RIMS1: variants seen among roughly 807,000 people sequenced by gnomAD.
RIMS1 encodes the protein regulating synaptic membrane exocytosis 1.
In RIMS1, 83 loss-of-function variants were observed where a neutral mutation model predicts 214.1. The observed-to-expected ratio is 0.39, with a 90% confidence interval of 0.32 to 0.47. The LOEUF (loss-of-function observed/expected upper bound fraction) is 0.47. Ranked by LOEUF, RIMS1 falls within the 20% of genes least tolerant of loss-of-function variation. The pLI, the probability that RIMS1 is intolerant of heterozygous loss-of-function variation, is 0.99. For missense variants in RIMS1, 2,050 were observed against 2,161.8 expected (o/e 0.95, Z 1.03); for synonymous variants, 793 against 786.8 (o/e 1.01, Z -0.13).
intron 24 of RIMS1, among the ~76,000 whole-genome samples, chr6:72,287,645 G>A (rs1422384711): frequency 6.6e-6 from 1 of 151,192 alleles, no homozygotes; most frequent in African/African-American, 2.4e-5. Flanking sequence ...ACCCAGGCTG[G>A]AGTGTGGTCA....
At chr6:72,199,373 A>C (rs2496522) in intron 6 of RIMS1, among the ~76,000 whole-genome samples, 10 of 151,948 alleles carry the variant, frequency 6.6e-5, no homozygotes, top group African/African-American at 2.4e-4. Context: ...CATCTATAGA[A>C]AAGGAAATTT....
At chr6:72,347,051 T>C (rs902039564) in intron 29 of RIMS1, among the ~76,000 whole-genome samples, 1 of 151,860 alleles carries the variant, frequency 6.6e-6, no homozygotes, top group Non-Finnish European at 1.5e-5. Context: ...CTTCCATGAC[T>C]TTATTTTTTT....
intron 2 of RIMS1, among the ~76,000 whole-genome samples, chr6:71,982,935 A>C (rs1798863737): frequency 6.6e-6 from 1 of 152,108 alleles, no homozygotes; most frequent in Non-Finnish European, 1.5e-5. Context: ...TCTCTGGTCT[A>C]AATGTTTTAC....
chr6:72,215,415 A>G (rs745627253), intron 6 of RIMS1, among the ~76,000 whole-genome samples: 3 of 152,226 alleles, frequency 2.0e-5, no homozygotes, highest in Non-Finnish European at 2.9e-5. Context: ...CCTAACTACT[A>G]TGGTGTAGTG....
chr6:72,132,951 TG>T (rs917174080), intron 4 of RIMS1, among the ~76,000 whole-genome samples: 2 of 152,060 alleles, frequency 1.3e-5, no homozygotes, highest in African/African-American at 4.8e-5. Flanking sequence ...AATATCCATA[TG>T]TTTTTTATTA....
In RIMS1 at chr6:71,997,802, T is replaced by C. The variant is rs1043445058; in HGVS notation, c.245+28739T>C. Among the ~76,000 whole-genome samples, 44 of 152,210 alleles carry C rather than the reference T, an allele frequency of 2.9e-4. 3 individuals carry two copies. Among genetic ancestry groups the C allele is most frequent in the Admixed American group, 2.4e-3 (37 of 15,282 alleles). On this transcript the variant is annotated intron_variant, in intron 2 of 33. Transcript: ENST00000521978. ...TTTTTAAAATGCTAAATGAAGTTGA[T>C]AGGAAAACAAAATAGGTACAACATA...
intron 2 of RIMS1, among the ~76,000 whole-genome samples, chr6:72,090,025 T>TG (rs997372467): frequency 3.0e-5 from 2 of 66,902 alleles, no homozygotes; most frequent in East Asian, 5.3e-4. Context: ...TGTGGTGGGG[T>TG]GGGGGGAGGG....
Position 72,132,474 on chromosome 6 carries a change from T to C in RIMS1, c.471+32488T>C, listed in dbSNP as rs559494202. Among the ~76,000 whole-genome samples the C allele has an allele frequency of 1.3e-3, 192 of 152,266 alleles. 1 individual carries two copies. Among genetic ancestry groups the C allele is most frequent in the Middle Eastern group, 3.4e-3 (1 of 294 alleles). On this transcript the variant is annotated intron_variant, in intron 4 of 33. Coordinates refer to ENST00000521978, the MANE Select transcript of RIMS1 (RefSeq NM_014989.7). ...GAGGCAGACATTTTTGGACTAATAT[T>C]TATTGGGTACATAATATTATTGTAG...
intron 2 of RIMS1, among the ~76,000 whole-genome samples, chr6:71,980,367 A>G (rs1397600062): frequency 6.6e-6 from 1 of 152,160 alleles, no homozygotes; most frequent in Non-Finnish European, 1.5e-5. Flanking sequence ...GAATGCACTC[A>G]TGTATTATAT....
intron 9 of RIMS1, 84 bp from the exon 10 acceptor site, chr6:72,242,230 C>A: frequency 9.2e-7 from 1 of 1,085,646 alleles, no homozygotes; most frequent in Non-Finnish European, 1.3e-6. Context: ...ATATGTTTTG[C>A]ATTTCTTTGT....
chr6:72,104,261 C>T (rs2034265781), intron 4 of RIMS1, among the ~76,000 whole-genome samples: 1 of 152,088 alleles, frequency 6.6e-6, no homozygotes, highest in Non-Finnish European at 1.5e-5. Flanking sequence ...ATCTCTCAGC[C>T]ATAGGTCCAA....
chr6:71,996,677 G>A (rs929400018), intron 2 of RIMS1, among the ~76,000 whole-genome samples: 1 of 152,150 alleles, frequency 6.6e-6, no homozygotes, highest in Non-Finnish European at 1.5e-5. Flanking sequence ...TATTGTCTTT[G>A]TACAGAGGGA....
rs192566228 is a variant in RIMS1, at chr6:72,216,465, T to C, written c.1679-17308T>C. ...CCAGAAAAGCCTGAAGAAGCACTTT[T>C]GCCTGTGTTCCCAACAATCAATTGT... is the stretch of plus-strand genomic sequence containing the variant. On this transcript the variant is annotated intron_variant, in intron 6 of 33. Transcript: ENST00000521978. 1.2e-3 allele frequency: 1,224 copies of C among 985,480 alleles called. 1 individual carries two copies. The highest frequency in any genetic ancestry group is 2.6e-3 in the Middle Eastern group (5 of 1,914). 61.0% of individuals were successfully genotyped at this position (985,480 alleles called of 1,614,324 possible).
chr6:72,148,666 C>T (rs778846905), intron 4 of RIMS1: 42 of 455,838 alleles, frequency 9.2e-5, no homozygotes, highest in South Asian at 6.2e-4. Flanking sequence ...CTATGTTGTG[C>T]CCCTAGACTT....
intron 31 of RIMS1, among the ~76,000 whole-genome samples, chr6:72,396,783 C>A (rs1423759862): frequency 6.6e-6 from 1 of 152,130 alleles, no homozygotes; most frequent in Non-Finnish European, 1.5e-5. Context: ...GAGGCCAAGG[C>A]AGGCAGATCA....
At chr6:72,003,918 T>G (rs9446534) in intron 2 of RIMS1, among the ~76,000 whole-genome samples, 1,920 of 151,690 alleles carry the variant, frequency 0.013, 37 homozygotes, top group African/African-American at 0.044. Flanking sequence ...GTGCACAATC[T>G]GCAGGTTAGT....
intron 2 of RIMS1, among the ~76,000 whole-genome samples, chr6:72,060,717 C>A (rs192376592): frequency 1.3e-5 from 2 of 152,130 alleles, no homozygotes; most frequent in Non-Finnish European, 2.9e-5. Flanking sequence ...CCCTGAACAG[C>A]GAAGATGGTA....
chr6:72,077,531 C>CA (rs1399082779), intron 2 of RIMS1, among the ~76,000 whole-genome samples: 3 of 152,184 alleles, frequency 2.0e-5, no homozygotes, highest in Non-Finnish European at 4.4e-5. Flanking sequence ...ATGTAAGAGA[C>CA]AAAACCACAA....
chr6:72,110,782 G>A (rs979777084), intron 4 of RIMS1, among the ~76,000 whole-genome samples: 1 of 152,100 alleles, frequency 6.6e-6, no homozygotes, highest in Admixed American at 6.6e-5. Flanking sequence ...TCTTGTGCCA[G>A]TTTTCAAAGG....
Sources: allele counts gnomAD v4.1 joint callset (sites outside exome capture counted in the v4.1 genomes callset), GRCh38; gene constraint gnomAD v4.1.1; transcripts MANE v1.5; gene names NCBI Gene and HGNC (gene_info 2026-07-23, HGNC 2026-07-21).